TCERG1L: variants seen among roughly 807,000 people sequenced by gnomAD.
The protein encoded by TCERG1L is transcription elongation regulator 1 like.
Under a neutral mutation model 56.3 loss-of-function variants are expected in TCERG1L, and 37 were observed. The observed-to-expected ratio is 0.66, with a 90% CI of 0.51 to 0.87. The LOEUF (loss-of-function observed/expected upper bound fraction) is 0.87. TCERG1L is among the 40% of genes least tolerant of loss of function. The pLI is 0.00. For missense variants in TCERG1L, 799 were observed against 774.2 expected, an observed-to-expected ratio of 1.03 and a Z score of -0.38; for synonymous variants, 324 against 326.3, an observed-to-expected ratio of 0.99 and a Z score of 0.08.
In TCERG1L at chr10:131,118,740, TG is replaced by T. The variant is rs1845484531; in HGVS notation, c.1260-1807del. Among the ~76,000 whole-genome samples, 1 of 152,214 alleles carries T rather than the reference TG, an allele frequency of 6.6e-6. No individual in the cohort carries two copies. Among genetic ancestry groups the T allele is most frequent in the Non-Finnish European group, 1.5e-5 (1 of 68,038 alleles). On this transcript the variant is annotated intron_variant, in intron 8 of 11. Coordinates refer to ENST00000368642, the MANE Select transcript of TCERG1L (RefSeq NM_174937.4). This position sits in a 1 kb window ranked among gnomAD's most constrained non-coding sequence, Gnocchi z 4.2. ...TCCATGCCAAATTTGGAATTGAGCC[TG>T]GTCTCTTTTCCTCCTTTGCAACAGT...
In TCERG1L at chr10:131,309,089, T is replaced by G. The variant is rs761677872; in HGVS notation, c.489+64A>C. On this transcript the variant is annotated intron_variant, in intron 2 of 11. Coordinates refer to ENST00000368642, the MANE Select transcript of TCERG1L (RefSeq NM_174937.4). ...AAATACATGGGTATTTTTGTTGTTA[T>G]GTCGATGTTCGACAACTTAATCATT... 2.7e-4 allele frequency: 424 copies of G among 1,554,696 alleles called. 2 individuals are homozygous for G. The highest frequency in any genetic ancestry group is 8.8e-4 in the Middle Eastern group (5 of 5,688).
intron 4 of TCERG1L, among the ~76,000 whole-genome samples, chr10:131,255,021 T>C (rs1257914166): frequency 6.6e-6 from 1 of 151,952 alleles, no homozygotes; most frequent in Non-Finnish European, 1.5e-5. Flanking sequence ...TTCTTATCTA[T>C]GGAACACTGT....
At chr10:131,117,923 G>C (rs1382056902) in intron 8 of TCERG1L, among the ~76,000 whole-genome samples, 1 of 152,216 alleles carries the variant, frequency 6.6e-6, no homozygotes, top group East Asian at 1.9e-4. Context: ...CGTTCTTCTT[G>C]TGTCTGGCTT....
chr10:131,246,390 G>A (rs1473142577), intron 4 of TCERG1L, among the ~76,000 whole-genome samples: 1 of 152,262 alleles, frequency 6.6e-6, no homozygotes, highest in African/African-American at 2.4e-5. Context: ...GGCCATGCTG[G>A]ACCTGGAGGG....
chr10:131,094,142 C>T (rs907735090), intron 11 of TCERG1L, among the ~76,000 whole-genome samples: 17 of 152,198 alleles, frequency 1.1e-4, no homozygotes, highest in Admixed American at 2.6e-4. Flanking sequence ...TCGCAGGCAC[C>T]GGGCCCCGCA....
chr10:131,192,540 G>C (rs1230504153), intron 4 of TCERG1L, among the ~76,000 whole-genome samples: 1 of 143,816 alleles, frequency 7.0e-6, no homozygotes, highest in East Asian at 1.9e-4. Flanking sequence ...AGGAAAATAA[G>C]TCATTATATG....
At chr10:131,209,822 TAAA>T (rs1467429846) in intron 4 of TCERG1L, among the ~76,000 whole-genome samples, 1 of 152,208 alleles carries the variant, frequency 6.6e-6, no homozygotes, top group Non-Finnish European at 1.5e-5. Flanking sequence ...ATTTTAAGCT[TAAA>T]GAAGACTTTG....
intron 4 of TCERG1L, among the ~76,000 whole-genome samples, chr10:131,222,791 C>T (rs1260219439): frequency 6.6e-6 from 1 of 152,158 alleles, no homozygotes; most frequent in East Asian, 1.9e-4. Context: ...GTGGATAAGG[C>T]CCCTTCCCAA....
chr10:131,229,713 G>T (rs1312643941), intron 4 of TCERG1L, among the ~76,000 whole-genome samples: 8 of 151,856 alleles, frequency 5.3e-5, no homozygotes, highest in Middle Eastern at 3.2e-3. Flanking sequence ...AATATTTATA[G>T]AATATTTACC....
intron 4 of TCERG1L, among the ~76,000 whole-genome samples, chr10:131,204,799 G>C (rs1365043998): frequency 2.0e-5 from 3 of 152,236 alleles, no homozygotes. Context: ...GCCCCAGGCA[G>C]AACAGGTTGG....
chr10:131,211,678 A>G (rs185247190), intron 4 of TCERG1L, among the ~76,000 whole-genome samples: 1 of 152,050 alleles, frequency 6.6e-6, no homozygotes. Flanking sequence ...AAACAACATA[A>G]ATGCAGCACG....
rs182774618 is a variant in TCERG1L at position 131,214,398 on chromosome 10, C to T, written c.856+45861G>A. Among the ~76,000 whole-genome samples, 400 of 152,322 alleles carry T rather than the reference C, an allele frequency of 2.6e-3. 3 individuals carry two copies. Among genetic ancestry groups the T allele is most frequent in the African/African-American group, 9.1e-3 (379 of 41,570 alleles). On this transcript the variant is annotated intron_variant, in intron 4 of 11. Transcript: ENST00000368642. ...GTGGCATCTCAGCCACTCTCACAGC[C>T]GTCTCTAATACGTCTTTAACTCTTG...
At chr10:131,196,308 T>C (rs1292788203) in intron 4 of TCERG1L, among the ~76,000 whole-genome samples, 8 of 152,160 alleles carry the variant, frequency 5.3e-5, no homozygotes, top group Non-Finnish European at 1.2e-4. Context: ...CTGTCCCTGC[T>C]TGAACCGGAG....
chr10:131,132,174 G>A lies in TCERG1L; in HGVS notation c.1259+2205C>T, dbSNP rs987591251. Among the ~76,000 whole-genome samples the A allele has an allele frequency of 3.9e-5, 6 of 152,278 alleles. No homozygotes were observed. The East Asian group carries it at 5.8e-4, about 15-fold the overall frequency. On this transcript the variant is annotated intron_variant, in intron 8 of 11. Coordinates refer to ENST00000368642, the MANE Select transcript of TCERG1L (RefSeq NM_174937.4). ...TGTAAACCGGCTCATGAATGAATGC[G>A]CAGGACGGGATGGGCGTGCTCAGTC...
intron 8 of TCERG1L, among the ~76,000 whole-genome samples, chr10:131,123,846 C>T (rs528957553): frequency 1.8e-4 from 28 of 152,308 alleles, no homozygotes; most frequent in African/African-American, 5.1e-4. Flanking sequence ...GACCCTGCCC[C>T]TGTCTTCTCA....
At chr10:131,277,495 C>T (rs1385982439) in intron 3 of TCERG1L, among the ~76,000 whole-genome samples, 7 of 152,170 alleles carry the variant, frequency 4.6e-5, no homozygotes, top group African/African-American at 1.4e-4. Flanking sequence ...CACCTCCTGG[C>T]GAGCACACTG....
intron 3 of TCERG1L, among the ~76,000 whole-genome samples, chr10:131,273,500 G>A (rs2918104): frequency 0.4 from 60,161 of 152,136 alleles, 12,742 homozygotes; most frequent in Non-Finnish European, 0.48. Flanking sequence ...GAGGAATGAG[G>A]CTTTGGGAAT....
chr10:131,306,118 T>A (rs1468153294), intron 3 of TCERG1L, among the ~76,000 whole-genome samples: 1 of 152,174 alleles, frequency 6.6e-6, no homozygotes, highest in Non-Finnish European at 1.5e-5. Flanking sequence ...TTACCCTACC[T>A]ACCACCTTCA....
chr10:131,278,690 G>A (rs145737418), intron 3 of TCERG1L, among the ~76,000 whole-genome samples: 5 of 152,136 alleles, frequency 3.3e-5, no homozygotes, highest in East Asian at 1.9e-4. Context: ...CTTCCCTGCC[G>A]CGGAGTCACT....
Sources: gnomAD v4.1 joint callset for allele counts (sites outside exome capture counted in the v4.1 genomes callset) on GRCh38, gnomAD v4.1.1 for gene constraint, Gnocchi (gnomAD v3.1) non-coding constraint, MANE v1.5 for transcripts, NCBI Gene and HGNC (gene_info 2026-07-23, HGNC 2026-07-21) for gene names.